The following NCAPG2 variants were observed in gnomAD, a reference collection of about 807,000 sequenced individuals.
The protein encoded by NCAPG2 is non-SMC condensin II complex subunit G2.
NCAPG2 carries 53 observed loss-of-function variants against 141.1 expected under a neutral mutation model. The ratio of observed to expected loss-of-function variants is 0.38; its 90% CI spans 0.30 to 0.47. The LOEUF (loss-of-function observed/expected upper bound fraction) is 0.47. Among genes scored for constraint, NCAPG2 ranks in the 20% least tolerant of loss-of-function variants. The pLI is 0.99. For missense variants in NCAPG2, 1,087 were observed against 1,389.0 expected (o/e 0.78, Z 3.46); for synonymous variants, 499 against 490.7 (o/e 1.02, Z -0.22).
intron 17 of NCAPG2, among the ~76,000 whole-genome samples, chr7:158,657,643 T>C (rs983736982): frequency 1.8e-4 from 28 of 152,188 alleles, no homozygotes; most frequent in Non-Finnish European, 2.9e-4. Flanking sequence ...CCACCCCGTC[T>C]GGGAGGTGTA....
intron 27 of NCAPG2, among the ~76,000 whole-genome samples, chr7:158,637,865 T>C (rs9770149): frequency 0.024 from 3,580 of 152,184 alleles, 132 homozygotes; most frequent in African/African-American, 0.081. Flanking sequence ...GACACTTGGC[T>C]GGGCACGGTG....
intron 22 of NCAPG2, among the ~76,000 whole-genome samples, chr7:158,653,385 A>AC (rs1359305705): frequency 2.8e-4 from 31 of 110,110 alleles, no homozygotes; most frequent in Non-Finnish European, 3.5e-4. Context: ...AAATAAAAAA[A>AC]AAAATAATAA....
intron 13 of NCAPG2, among the ~76,000 whole-genome samples, chr7:158,666,850 G>T (rs1218276889): frequency 6.6e-6 from 1 of 152,166 alleles, no homozygotes; most frequent in African/African-American, 2.4e-5. Flanking sequence ...CAGCCCAGCA[G>T]CCCAGGCCTA....
At chr7:158,676,646 T>C (rs539468942) in intron 11 of NCAPG2, among the ~76,000 whole-genome samples, 160 of 152,342 alleles carry the variant, frequency 1.1e-3, no homozygotes, top group Non-Finnish European at 3.7e-4. Flanking sequence ...AGATTGGGAT[T>C]AGTCAGCAAT....
intron 15 of NCAPG2, 38 bp downstream of exon 15, chr7:158,664,146 G>A (rs762288647): frequency 2.0e-6 from 3 of 1,468,622 alleles, no homozygotes; most frequent in Admixed American, 1.7e-5. Context: ...TGATGCCACT[G>A]AGGCACTATC....
intron 7 of NCAPG2, among the ~76,000 whole-genome samples, chr7:158,686,605 C>T (rs1390702253): frequency 3.3e-5 from 5 of 152,146 alleles, no homozygotes; most frequent in African/African-American, 1.2e-4. Context: ...GCTACCAATT[C>T]CTGAGGTACA....
At position 158,645,450 on chromosome 7, in the gene NCAPG2, G is replaced by C. The variant is rs534518258; in HGVS notation, c.3280+69C>G. 1.1e-5 allele frequency: 16 copies of C among 1,407,202 alleles called. No homozygotes were observed. In the South Asian group the frequency reaches 1.7e-4, roughly 15 times the overall value. 87.2% of individuals were successfully genotyped at this position (1,407,202 alleles called of 1,614,324 possible). A position where few individuals can be genotyped will look rare whatever the true frequency, so the allele number is the denominator to read the frequency against. ...TAGCCAAGTGCAGGGGCTGATCCCC[G>C]GAATCCCATGACAGCACCTGTGAGG... On this transcript the variant is annotated intron_variant, in intron 26 of 27. Transcript: ENST00000356309.
chr7:158,658,235 G>A, intron 17 of NCAPG2, 103 bp downstream of exon 17: 1 of 1,071,162 alleles, frequency 9.3e-7, no homozygotes, highest in Non-Finnish European at 1.3e-6. Flanking sequence ...GCCACAGTGA[G>A]CTGAAAGCTA....
At chr7:158,637,915 G>A (rs756699125) in intron 27 of NCAPG2, among the ~76,000 whole-genome samples, 330 of 152,168 alleles carry the variant, frequency 2.2e-3, no homozygotes, top group Non-Finnish European at 3.9e-3. Flanking sequence ...AGGCCGAGGC[G>A]GGCGGATCAC....
intron 16 of NCAPG2, among the ~76,000 whole-genome samples, chr7:158,660,682 C>T (rs1832428719): frequency 6.6e-6 from 1 of 152,158 alleles, no homozygotes; most frequent in South Asian, 2.1e-4. Flanking sequence ...TCGAAAAGTG[C>T]TGGGATTACA....
intron 24 of NCAPG2, among the ~76,000 whole-genome samples, chr7:158,649,712 CA>C (rs1831335996): frequency 6.6e-6 from 1 of 152,160 alleles, no homozygotes. Context: ...TTTTATATTA[CA>C]AAATTTATGA....
At position 158,680,772 on chromosome 7, in the gene NCAPG2, C is replaced by T. The variant is rs1587253666; in HGVS notation, c.969G>A (p.Val323=). ...FHHQKKVRQG[V]EEMLYRLYKP... ...TATATAATCTATAAAGCATCTCTTC[C>T]ACTCCCTGCCGAACTTTCTTTTGAT... Residue 323 remains valine (V), a synonymous_variant, in exon 10 of 28, where the codon GTG becomes GTA. Coordinates refer to ENST00000356309, the MANE Select transcript of NCAPG2 (RefSeq NM_017760.7). 6.2e-7 allele frequency: 1 copy of T among 1,606,124 alleles called. No individual in the cohort carries two copies. The highest frequency in any genetic ancestry group is 8.5e-7 in the Non-Finnish European group (1 of 1,176,076).
intron 25 of NCAPG2, 41 bp downstream of exon 25, chr7:158,646,419 C>G (rs1831022396): frequency 6.8e-7 from 1 of 1,470,546 alleles, no homozygotes; most frequent in Non-Finnish European, 9.4e-7. Flanking sequence ...GCGCTTACAG[C>G]CACGATGAGC....
intron 27 of NCAPG2, among the ~76,000 whole-genome samples, chr7:158,637,852 C>T (rs1830392127): frequency 6.6e-6 from 1 of 152,056 alleles, no homozygotes; most frequent in Admixed American, 6.6e-5. Flanking sequence ...TATAAAAATC[C>T]CTGACACTTG....
At chr7:158,682,938 G>T (rs1190065127) in intron 9 of NCAPG2, among the ~76,000 whole-genome samples, 1 of 152,104 alleles carries the variant, frequency 6.6e-6, no homozygotes, top group Non-Finnish European at 1.5e-5. Context: ...CATTTGGTTT[G>T]CAGAAGAGCA....
At chr7:158,637,830 G>C (rs1045571388) in intron 27 of NCAPG2, among the ~76,000 whole-genome samples, 1 of 152,040 alleles carries the variant, frequency 6.6e-6, no homozygotes, top group Non-Finnish European at 1.5e-5. Flanking sequence ...ATAACCCATC[G>C]TGCCAACTCC....
At chr7:158,684,479 A>C (rs1219932271) in intron 8 of NCAPG2, among the ~76,000 whole-genome samples, 1 of 152,242 alleles carries the variant, frequency 6.6e-6, no homozygotes, top group Non-Finnish European at 1.5e-5. Context: ...GAAAAATTTT[A>C]ATGTGGCTTG....
Position 158,682,289 on chromosome 7 carries a change from G to A in NCAPG2, c.924+1011C>T, listed in dbSNP as rs143031438. Among the ~76,000 whole-genome samples the A allele has an allele frequency of 1.0e-3, 156 of 151,312 alleles. 2 individuals are homozygous for A. The highest frequency in any genetic ancestry group is 0.01 in the Middle Eastern group (3 of 292). Reference sequence around the variant, plus strand: ...AAATTTGAAACACCAACTCATCTATGTGAAATAAATAACCCAAACTGACTA... The same window carrying A: ...AAATTTGAAACACCAACTCATCTATATGAAATAAATAACCCAAACTGACTA... On this transcript the variant is annotated intron_variant, in intron 9 of 27. Transcript: ENST00000356309.
At chr7:158,689,154 G>T (rs1834970731) in intron 6 of NCAPG2, among the ~76,000 whole-genome samples, 1 of 152,034 alleles carries the variant, frequency 6.6e-6, no homozygotes, top group Non-Finnish European at 1.5e-5. Flanking sequence ...CAAAAGTAAA[G>T]AAGATTAATT....
Sources: allele counts gnomAD v4.1 joint callset (sites outside exome capture counted in the v4.1 genomes callset), GRCh38; gene constraint gnomAD v4.1.1; transcripts MANE v1.5; gene names NCBI Gene and HGNC (gene_info 2026-07-23, HGNC 2026-07-21).